FAM135A: variants seen among roughly 807,000 people sequenced by gnomAD.
FAM135A encodes the protein family with sequence similarity 135 member A.
A neutral mutation model predicts 146.8 loss-of-function variants in FAM135A; 79 were observed. The ratio of observed to expected loss-of-function variants is 0.54; its 90% CI spans 0.45 to 0.65. The LOEUF is 0.65. Among genes scored for constraint, FAM135A ranks in the 30% least tolerant of loss-of-function variants. FAM135A has a pLI of 0.00. For missense variants in FAM135A, 1,623 were observed against 1,758.2 expected (o/e 0.92, Z 1.38); for synonymous variants, 562 against 603.6 (o/e 0.93, Z 1.01).
In FAM135A at chr6:70,561,114, C is replaced by G. The variant is rs1185751330; in HGVS notation, c.*1193C>G. 6.6e-6 allele frequency: 1 copy of G among 152,400 alleles called. No individual in the cohort carries two copies. Among genetic ancestry groups the G allele is most frequent in the Non-Finnish European group, 1.5e-5 (1 of 67,960 alleles). 9.4% of individuals were successfully genotyped at this position (152,400 alleles called of 1,614,324 possible). On this transcript the variant is annotated 3_prime_UTR_variant, in exon 22 of 22. Transcript: ENST00000418814. ...ACAATTGATGCATGTTTATTTTTAG[C>G]GTTGTTATTGCCTCTGGTGTTAATA...
chr6:70,512,375 A>G (rs368146281), intron 12 of FAM135A, among the ~76,000 whole-genome samples: 31 of 151,840 alleles, frequency 2.0e-4, no homozygotes, highest in African/African-American at 7.0e-4. Context: ...TATTGCTTAC[A>G]TACATAGGAG....
intron 4 of FAM135A, among the ~76,000 whole-genome samples, chr6:70,450,479 G>C (rs1477682309): frequency 6.6e-6 from 1 of 151,908 alleles, no homozygotes; most frequent in Non-Finnish European, 1.5e-5. Flanking sequence ...TCAGTCTTCT[G>C]CCTGAGGATA....
intron 4 of FAM135A, among the ~76,000 whole-genome samples, chr6:70,449,205 TC>T (rs1245265332): frequency 6.6e-6 from 1 of 152,240 alleles, no homozygotes; most frequent in African/African-American, 2.4e-5. Flanking sequence ...ATGTATTAAA[TC>T]AAGCTAATTA....
In FAM135A at chr6:70,560,092, T is replaced by C; in HGVS notation, c.*171T>C. Reference sequence around the variant, plus strand: ...TGCTTTTTAAACATCAACTTTACTTTCTAGGTAATGTGGCTGTGCAATATT... The same window carrying C: ...TGCTTTTTAAACATCAACTTTACTTCCTAGGTAATGTGGCTGTGCAATATT... On this transcript the variant is annotated 3_prime_UTR_variant, in exon 22 of 22. Transcript: ENST00000418814. 1 of 546,428 alleles carries C rather than the reference T, an allele frequency of 1.8e-6. No homozygotes were observed. The highest frequency in any genetic ancestry group is 3.1e-6 in the Non-Finnish European group (1 of 323,242). 33.8% of individuals were successfully genotyped at this position (546,428 alleles called of 1,614,324 possible). A position where few individuals can be genotyped will look rare whatever the true frequency, so the allele number is the denominator to read the frequency against.
chr6:70,447,665 C>T (rs2065571965), intron 4 of FAM135A, among the ~76,000 whole-genome samples: 1 of 152,226 alleles, frequency 6.6e-6, no homozygotes, highest in Admixed American at 6.5e-5. Context: ...GGATGGGCCC[C>T]TCATGGCGTT....
At chr6:70,529,789 G>T (rs1374105732) in intron 16 of FAM135A, among the ~76,000 whole-genome samples, 1 of 152,062 alleles carries the variant, frequency 6.6e-6, no homozygotes, top group African/African-American at 2.4e-5. Flanking sequence ...TGGGCCGGGC[G>T]CTGTGGCTTA....
intron 20 of FAM135A, among the ~76,000 whole-genome samples, chr6:70,547,715 T>C (rs917178495): frequency 2.0e-5 from 3 of 152,196 alleles, no homozygotes; most frequent in Non-Finnish European, 2.9e-5. Context: ...GCCAGAAGAA[T>C]TGGAAAGACT....
chr6:70,534,311 A>ATTTTTTTTTTTT (rs1406546058), intron 18 of FAM135A, among the ~76,000 whole-genome samples: 2 of 106,812 alleles, frequency 1.9e-5, no homozygotes, highest in African/African-American at 8.1e-5. Flanking sequence ...AAGTTTGTAT[A>ATTTTTTTTTTTT]CTTTTTTTTT....
rs1197768768 is a variant in FAM135A, at chr6:70,559,725, A to G, written c.4352A>G (p.Tyr1451Cys). ...TCTGTTGGTTCCATAGGACAGATCT[A>G]TTCAGAAATGATCCACAACTTGCTT... is the stretch of plus-strand genomic sequence containing the variant. ...ALKDKQSGQI[Y>C]SEMIHNLLRP... is the part of the protein sequence containing the mutation. Residue 1451 changes from tyrosine to cysteine, a missense_variant, in exon 22 of 22, where the codon TAT (tyrosine) becomes TGT (cysteine). Tyr to Cys is a radical substitution (Grantham distance 194). Around this residue, in one of 7 missense-constraint regions of FAM135A, gnomAD observed 138 missense variants for 174.1 expected, o/e 0.79. Coordinates refer to ENST00000418814, the MANE Select transcript of FAM135A (RefSeq NM_001162529.3). 1.9e-6 allele frequency: 3 copies of G among 1,613,940 alleles called. No individual in the cohort carries two copies. The highest frequency in any genetic ancestry group is 2.5e-6 in the Non-Finnish European group (3 of 1,179,994).
At chr6:70,458,877 C>A (rs1778886129) in intron 5 of FAM135A, among the ~76,000 whole-genome samples, 1 of 152,146 alleles carries the variant, frequency 6.6e-6, no homozygotes, top group Non-Finnish European at 1.5e-5. Flanking sequence ...ATCCTTCCCT[C>A]AAAATTTCAT....
At chr6:70,473,536 C>T (rs1159631833) in intron 5 of FAM135A, among the ~76,000 whole-genome samples, 2 of 152,166 alleles carry the variant, frequency 1.3e-5, no homozygotes, top group African/African-American at 2.4e-5. Flanking sequence ...TGTGTACATC[C>T]TTTCCCTGAT....
At chr6:70,531,169 A>C (rs1795731539) in intron 16 of FAM135A, among the ~76,000 whole-genome samples, 1 of 152,236 alleles carries the variant, frequency 6.6e-6, no homozygotes, top group African/African-American at 2.4e-5. Flanking sequence ...TGATTTTCTC[A>C]AAACACTCTA....
At chr6:70,433,352 G>C (rs1772156852) in intron 4 of FAM135A, among the ~76,000 whole-genome samples, 1 of 152,114 alleles carries the variant, frequency 6.6e-6, no homozygotes, top group Non-Finnish European at 1.5e-5. Context: ...GGGATTACAG[G>C]CATGAGCCAC....
At chr6:70,535,027 G>C (rs1012806029) in intron 18 of FAM135A, among the ~76,000 whole-genome samples, 2 of 152,044 alleles carry the variant, frequency 1.3e-5, no homozygotes, top group Non-Finnish European at 2.9e-5. Context: ...TTTATTTTAT[G>C]ATGAGAAAAA....
chr6:70,559,794 A>G lies in FAM135A; in HGVS notation c.4421A>G (p.Asn1474Ser), dbSNP rs765741182. ...AAGGACTGTAATTTGGTTCGCTATA[A>G]TGTCATCAATGCATTGCCCAATACA... ...QSKDCNLVRY[N>S]VINALPNTAD... Residue 1474 changes from asparagine (N) to serine (S), a missense_variant, in exon 22 of 22, where the codon AAT becomes AGT. Asn to Ser is a conservative substitution (Grantham distance 46). Transcript: ENST00000418814. 1.9e-6 allele frequency: 3 copies of G among 1,614,146 alleles called. No individual in the cohort carries two copies. Among genetic ancestry groups the G allele is most frequent in the Non-Finnish European group, 1.7e-6 (2 of 1,180,018 alleles).
intron 16 of FAM135A, among the ~76,000 whole-genome samples, chr6:70,532,748 C>G (rs138017134): frequency 6.6e-6 from 1 of 152,200 alleles, no homozygotes; most frequent in Admixed American, 6.5e-5. Context: ...CTAGCTAACA[C>G]GGTGAAACCC....
intron 12 of FAM135A, among the ~76,000 whole-genome samples, chr6:70,508,976 G>A (rs556888745): frequency 6.6e-6 from 1 of 152,144 alleles, no homozygotes; most frequent in African/African-American, 2.4e-5. Flanking sequence ...GCTTATTCTT[G>A]TGTGGAAGCA....
At chr6:70,431,545 A>T (rs948476666) in intron 4 of FAM135A, among the ~76,000 whole-genome samples, 3 of 152,036 alleles carry the variant, frequency 2.0e-5, no homozygotes, top group Non-Finnish European at 4.4e-5. Flanking sequence ...CCACCACAAG[A>T]TACTGGCCAA....
intron 4 of FAM135A, among the ~76,000 whole-genome samples, chr6:70,433,660 GCTCTCCTCCACATAAT>G (rs1464871635): frequency 6.6e-6 from 1 of 152,112 alleles, no homozygotes; most frequent in African/African-American, 2.4e-5. Context: ...GGACTTCTCA[GCTCTCCTCCACATAAT>G]CTCTCATCCT....
Sources: allele counts gnomAD v4.1 joint callset (sites outside exome capture counted in the v4.1 genomes callset), GRCh38; gene constraint gnomAD v4.1.1; regional missense constraint gnomAD v4.1.1; transcripts MANE v1.5; gene names NCBI Gene and HGNC (gene_info 2026-07-23, HGNC 2026-07-21).